Variants in CDH13 observed in about 807,000 individuals in gnomAD.
CDH13 encodes the protein cadherin 13.
In CDH13, 24 loss-of-function variants were observed where a neutral mutation model predicts 63.8. The observed-to-expected ratio is 0.38, with a 90% CI of 0.27 to 0.53. The LOEUF is 0.53. CDH13 is among the 20% of genes least tolerant of loss of function. The pLI is 0.85. For synonymous variants in CDH13, 503 were observed against 355.3 expected, an observed-to-expected ratio of 1.42 and a Z score of -4.67; for missense variants, 1,049 against 903.1, an observed-to-expected ratio of 1.16 and a Z score of -2.07.
chr16:83,602,419 A>G (rs761500436), intron 7 of CDH13, 35 bp from the exon 8 acceptor site: 2 of 1,612,986 alleles, frequency 1.2e-6, no homozygotes, highest in East Asian at 2.2e-5. Context: ...CCAAATCTAA[A>G]TGTCATATTA....
chr16:83,789,145 G>C (rs1916084966), intron 13 of CDH13, among the ~76,000 whole-genome samples: 1 of 152,160 alleles, frequency 6.6e-6, no homozygotes. Context: ...CTGGGTCAGA[G>C]GTAGCAGGAA....
chr16:83,570,547 T>C (rs1052535808), intron 7 of CDH13, among the ~76,000 whole-genome samples: 4 of 151,956 alleles, frequency 2.6e-5, no homozygotes, highest in African/African-American at 9.7e-5. Context: ...GCCTCGCTGC[T>C]TTACTGGGCT....
intron 11 of CDH13, among the ~76,000 whole-genome samples, chr16:83,760,685 G>T (rs1224750315): frequency 2.0e-5 from 3 of 152,200 alleles, no homozygotes; most frequent in Non-Finnish European, 2.9e-5. Flanking sequence ...TTCTTGATCT[G>T]GTAGTACTAG....
intron 3 of CDH13, among the ~76,000 whole-genome samples, chr16:83,111,729 A>G (rs983671660): frequency 1.5e-4 from 23 of 152,224 alleles, no homozygotes; most frequent in African/African-American, 5.5e-4. Flanking sequence ...AAAAACCTGG[A>G]TCATATCAAT....
At chr16:83,236,739 C>T (rs2040155833) in intron 5 of CDH13, among the ~76,000 whole-genome samples, 1 of 151,802 alleles carries the variant, frequency 6.6e-6, no homozygotes, top group South Asian at 2.1e-4. Context: ...TACATCCTTG[C>T]AATGGAATAT....
intron 1 of CDH13, chr16:82,824,599 C>G (rs999166127): frequency 2.6e-5 from 4 of 152,276 alleles, no homozygotes; most frequent in Non-Finnish European, 5.9e-5. Context: ...CAGGATGTAT[C>G]TATTTATAGG....
At chr16:82,993,040 T>C in intron 2 of CDH13, among the ~76,000 whole-genome samples, 1 of 152,026 alleles carries the variant, frequency 6.6e-6, no homozygotes, top group East Asian at 1.9e-4. Context: ...ATGCCAGCTA[T>C]TTTGTTTGTT....
At chr16:83,337,186 G>T (rs79397778) in intron 5 of CDH13, among the ~76,000 whole-genome samples, 2 of 152,116 alleles carry the variant, frequency 1.3e-5, no homozygotes, top group Non-Finnish European at 2.9e-5. Context: ...ATTGTTTTGC[G>T]TACTGTGACT....
chr16:83,463,076 T>C (rs1307299338), intron 6 of CDH13, among the ~76,000 whole-genome samples: 1 of 152,046 alleles, frequency 6.6e-6, no homozygotes. Context: ...AATATAACAC[T>C]GCCTCGGGAA....
chr16:83,077,377 G>A (rs146252549), intron 3 of CDH13, among the ~76,000 whole-genome samples: 1 of 151,112 alleles, frequency 6.6e-6, no homozygotes, highest in African/African-American at 2.4e-5. Flanking sequence ...ATTTTTACTA[G>A]ATCTATGGTT....
intron 10 of CDH13, among the ~76,000 whole-genome samples, chr16:83,704,953 T>C (rs1906788386): frequency 6.6e-6 from 1 of 152,218 alleles, no homozygotes. Flanking sequence ...AAACTTTTGT[T>C]TCCAATCATT....
chr16:83,391,229 C>T (rs2091779879), intron 6 of CDH13, among the ~76,000 whole-genome samples: 1 of 147,794 alleles, frequency 6.8e-6, no homozygotes, highest in Non-Finnish European at 1.5e-5. Context: ...TTTTTTGAGA[C>T]AGCGTCTTAC....
Position 83,602,603 on chromosome 16 carries a change from C to T in CDH13, c.1101+9C>T. 1.9e-6 allele frequency: 3 copies of T among 1,613,804 alleles called. No individual in the cohort carries two copies. Among genetic ancestry groups the T allele is most frequent in the East Asian group, 2.2e-5 (1 of 44,886 alleles). ...AATTCACCAAGAAAGAGGTAAACCCCTGTGCCAAACACCAACCACCACTGT... is the reference window on the plus strand; with the variant it reads ...AATTCACCAAGAAAGAGGTAAACCCTTGTGCCAAACACCAACCACCACTGT... On this transcript the variant is annotated intron_variant, in intron 8 of 13. Coordinates refer to ENST00000567109, the MANE Select transcript of CDH13 (RefSeq NM_001257.5).
chr16:82,670,639 G>C (rs774864386), intron 1 of CDH13, among the ~76,000 whole-genome samples: 6 of 152,176 alleles, frequency 3.9e-5, no homozygotes. Flanking sequence ...AATGAGCTAG[G>C]CATTTGCAAT....
At chr16:83,723,154 G>A (rs1466015237) in intron 10 of CDH13, among the ~76,000 whole-genome samples, 1 of 152,258 alleles carries the variant, frequency 6.6e-6, no homozygotes, top group Non-Finnish European at 1.5e-5. Flanking sequence ...GGATGCTGAT[G>A]TGAGAAGCAC....
chr16:82,866,880 A>G (rs1417272680), intron 2 of CDH13, among the ~76,000 whole-genome samples: 1 of 152,192 alleles, frequency 6.6e-6, no homozygotes, highest in Non-Finnish European at 1.5e-5. Flanking sequence ...AACCACCTCC[A>G]TGATTCAATG....
intron 5 of CDH13, among the ~76,000 whole-genome samples, chr16:83,330,105 G>C (rs983250655): frequency 6.6e-6 from 1 of 152,188 alleles, no homozygotes; most frequent in East Asian, 1.9e-4. Context: ...GATTCTTGTA[G>C]AAAATGAATT....
intron 1 of CDH13, among the ~76,000 whole-genome samples, chr16:82,726,829 A>G (rs1022847562): frequency 3.3e-5 from 5 of 152,222 alleles, no homozygotes; most frequent in Admixed American, 1.3e-4. Context: ...CAACTACATC[A>G]TGAGGAAAAT....
intron 10 of CDH13, among the ~76,000 whole-genome samples, chr16:83,727,700 T>A (rs60446846): frequency 0.043 from 6,538 of 152,196 alleles, 467 homozygotes; most frequent in African/African-American, 0.15. Flanking sequence ...CAAAAAAGTC[T>A]TAGGCTTGCT....
Sources: gnomAD v4.1 joint callset for allele counts (sites outside exome capture counted in the v4.1 genomes callset) on GRCh38, gnomAD v4.1.1 for gene constraint, MANE v1.5 for transcripts, NCBI Gene and HGNC (gene_info 2026-07-23, HGNC 2026-07-21) for gene names.